RIT2: variants seen among roughly 807,000 people sequenced by gnomAD.
RIT2 encodes the protein GTP-binding protein Rit2.
A neutral mutation model predicts 23.7 loss-of-function variants in RIT2; 24 were observed. The observed-to-expected ratio is 1.01, with a 90% CI of 0.73 to 1.43. The LOEUF is 1.43. RIT2 is among the 40% of genes most tolerant of loss of function. The pLI, the probability that RIT2 is intolerant of heterozygous loss-of-function variation, is 0.00. For synonymous variants in RIT2, 107 were observed against 91.1 expected, an observed-to-expected ratio of 1.17 and a Z score of -0.99; for missense variants, 236 against 266.9, an observed-to-expected ratio of 0.88 and a Z score of 0.81.
At chr18:42,862,383 T>C (rs1907353147) in intron 4 of RIT2, among the ~76,000 whole-genome samples, 1 of 152,182 alleles carries the variant, frequency 6.6e-6, no homozygotes, top group South Asian at 2.1e-4. Context: ...ATTAAACCTT[T>C]TTCATCATAA....
At chr18:43,111,594 T>C (rs1393599721) in intron 1 of RIT2, among the ~76,000 whole-genome samples, 1 of 152,166 alleles carries the variant, frequency 6.6e-6, no homozygotes, top group Non-Finnish European at 1.5e-5. Context: ...ATACACCTAC[T>C]ATGTACAAAT....
At chr18:42,902,686 T>C (rs1024674182) in intron 4 of RIT2, among the ~76,000 whole-genome samples, 18 of 151,494 alleles carry the variant, frequency 1.2e-4, no homozygotes, top group African/African-American at 3.9e-4. Context: ...AAAAAATAAA[T>C]ATGTTTGTGG....
chr18:42,808,531 C>G (rs1392798088), intron 4 of RIT2, among the ~76,000 whole-genome samples: 1 of 151,702 alleles, frequency 6.6e-6, no homozygotes, highest in Non-Finnish European at 1.5e-5. Context: ...ATTAAACAAA[C>G]TTAAGTAAAT....
chr18:42,897,140 T>C (rs1284041826), intron 4 of RIT2, among the ~76,000 whole-genome samples: 1 of 152,206 alleles, frequency 6.6e-6, no homozygotes, highest in Non-Finnish European at 1.5e-5. Flanking sequence ...AAAGAATGTG[T>C]CATTTCTCGT....
chr18:42,795,180 T>C (rs1914129752), intron 4 of RIT2, among the ~76,000 whole-genome samples: 1 of 152,152 alleles, frequency 6.6e-6, no homozygotes, highest in African/African-American at 2.4e-5. Context: ...ACCACTGCAC[T>C]GTGGGAGCCC....
intron 4 of RIT2, among the ~76,000 whole-genome samples, chr18:42,883,513 C>T (rs556484640): frequency 6.6e-6 from 1 of 152,190 alleles, no homozygotes; most frequent in South Asian, 2.1e-4. Context: ...ATTAGTTACT[C>T]TAGGTGAATG....
chr18:42,840,047 T>A (rs946885144), intron 4 of RIT2, among the ~76,000 whole-genome samples: 3 of 152,320 alleles, frequency 2.0e-5, no homozygotes, highest in Non-Finnish European at 2.9e-5. Flanking sequence ...GAATGTACAC[T>A]CTTAATCTAT....
At position 42,802,519 on chromosome 18, in the gene RIT2, A is replaced by G. The variant is rs1458145751; in HGVS notation, c.427-58799T>C. On this transcript the variant is annotated intron_variant, in intron 4 of 4. Transcript: ENST00000326695. Reference sequence around the variant, plus strand: ...CTGATATGGAAGACCAATGAGCAACATTGTCTAGTATCATCATTTCCTGTT... The same window carrying G: ...CTGATATGGAAGACCAATGAGCAACGTTGTCTAGTATCATCATTTCCTGTT... Among the ~76,000 whole-genome samples, 3 of 152,228 alleles carry G rather than the reference A, an allele frequency of 2.0e-5. No individual in the cohort carries two copies. In the East Asian group the frequency reaches 5.8e-4, roughly 29 times the overall value.
intron 1 of RIT2, among the ~76,000 whole-genome samples, chr18:43,043,795 G>A (rs8089702): frequency 0.81 from 123,582 of 151,986 alleles, 51,498 homozygotes; most frequent in Non-Finnish European, 0.93. Flanking sequence ...GCGAAACTCC[G>A]TCTCAAACAA....
chr18:42,915,473 CT>C (rs1249539608), intron 4 of RIT2, among the ~76,000 whole-genome samples: 1 of 152,010 alleles, frequency 6.6e-6, no homozygotes, highest in African/African-American at 2.4e-5. Context: ...AACAGCTTTG[CT>C]TTTTTCTTTT....
chr18:43,070,458 T>C (rs1912872576), intron 1 of RIT2, among the ~76,000 whole-genome samples: 1 of 152,156 alleles, frequency 6.6e-6, no homozygotes, highest in African/African-American at 2.4e-5. Flanking sequence ...TTCAGCTCAA[T>C]AAAACTACAG....
chr18:43,034,740 A>T (rs1911936816), intron 1 of RIT2, among the ~76,000 whole-genome samples: 1 of 152,038 alleles, frequency 6.6e-6, no homozygotes, highest in African/African-American at 2.4e-5. Flanking sequence ...TATATATCCC[A>T]CTTGTCAAAT....
intron 2 of RIT2, among the ~76,000 whole-genome samples, chr18:42,993,423 G>T (rs554869726): frequency 6.6e-6 from 1 of 152,208 alleles, no homozygotes; most frequent in Admixed American, 6.5e-5. Context: ...TCTCATGGTG[G>T]AAGGTAAGTC....
intron 4 of RIT2, among the ~76,000 whole-genome samples, chr18:42,778,409 CAT>C (rs1193856692): frequency 6.6e-6 from 1 of 152,100 alleles, no homozygotes; most frequent in Admixed American, 6.6e-5. Flanking sequence ...AAGATCTTAA[CAT>C]ATGTTTGCTA....
rs1249827726 is a variant in RIT2, at chr18:42,743,623, T to C, written c.524A>G (p.His175Arg). ...CTTGCGAATTTCCCTCACTAAGCCA[T>C]GAAAAGCATCATCAATACAGAATCT... ...ALRFCIDDAFHGLVREIRKKE... is the reference protein window; with the variant it reads ...ALRFCIDDAFRGLVREIRKKE... The change falls in exon 5 of 5, where the codon CAT (histidine) becomes CGT (arginine). Residue 175 changes from histidine (H) to arginine (R), a missense_variant. Transcript: ENST00000326695. 6.2e-7 allele frequency: 1 copy of C among 1,614,028 alleles called. No homozygotes were observed. Among genetic ancestry groups the C allele is most frequent in the Non-Finnish European group, 8.5e-7 (1 of 1,179,998 alleles).
At chr18:42,928,868 G>A (rs1269208622) in intron 3 of RIT2, among the ~76,000 whole-genome samples, 1 of 151,250 alleles carries the variant, frequency 6.6e-6, no homozygotes, top group African/African-American at 2.4e-5. Context: ...TCTATCATTT[G>A]TTTTTTGGTA....
intron 4 of RIT2, among the ~76,000 whole-genome samples, chr18:42,823,862 TCTCC>T (rs1315230782): frequency 6.6e-6 from 1 of 152,116 alleles, no homozygotes; most frequent in Non-Finnish European, 1.5e-5. Context: ...AAGCTCATGC[TCTCC>T]CTATCATCTT....
intron 2 of RIT2, among the ~76,000 whole-genome samples, chr18:42,978,527 A>G (rs936916717): frequency 1.3e-5 from 2 of 152,208 alleles, no homozygotes; most frequent in South Asian, 2.1e-4. Flanking sequence ...CTGAATTTCA[A>G]TCATCTGCCT....
chr18:42,827,875 C>T (rs12103973), intron 4 of RIT2, among the ~76,000 whole-genome samples: 36,372 of 151,262 alleles, frequency 0.24, 4,585 homozygotes, highest in African/African-American at 0.3. Flanking sequence ...CATGGTGGCA[C>T]GCGCCTGTAG....
Sources: gnomAD v4.1 joint callset for allele counts (sites outside exome capture counted in the v4.1 genomes callset) on GRCh38, gnomAD v4.1.1 for gene constraint, MANE v1.5 for transcripts, NCBI Gene and HGNC (gene_info 2026-07-23, HGNC 2026-07-21) for gene names.